The following TBC1D32 variants were observed in gnomAD, a reference collection of about 807,000 sequenced individuals.
TBC1D32 encodes protein broad-minded.
In TBC1D32, 151 loss-of-function variants were observed where a neutral mutation model predicts 170.3. The ratio of observed to expected loss-of-function variants is 0.89; its 90% CI spans 0.78 to 1.01. The LOEUF (loss-of-function observed/expected upper bound fraction) is 1.01. TBC1D32 is among the 50% of genes least tolerant of loss of function. The pLI, the probability that TBC1D32 is intolerant of heterozygous loss-of-function variation, is 0.00. For synonymous variants in TBC1D32, 498 were observed against 488.0 expected (o/e 1.02, Z -0.27); for missense variants, 1,464 against 1,457.1 (o/e 1.00, Z -0.08).
intron 24 of TBC1D32, among the ~76,000 whole-genome samples, chr6:121,158,628 G>T (rs1009571151): frequency 2.0e-5 from 3 of 152,094 alleles, no homozygotes; most frequent in Non-Finnish European, 4.4e-5. Context: ...TAACTGTGAG[G>T]TAAGTTGAGT....
chr6:121,243,817 G>A (rs1223569244), intron 17 of TBC1D32, among the ~76,000 whole-genome samples: 3 of 150,680 alleles, frequency 2.0e-5, no homozygotes, highest in African/African-American at 4.9e-5. Context: ...AAACACAGAC[G>A]CACTTCCAAT....
intron 15 of TBC1D32, among the ~76,000 whole-genome samples, chr6:121,272,284 G>T (rs548165803): frequency 1.4e-4 from 22 of 152,108 alleles, no homozygotes; most frequent in Non-Finnish European, 3.1e-4. Flanking sequence ...AGGAGCTTCT[G>T]CACAGCAAAA....
upstream of TBC1D32, chr6:121,334,560 C>T (rs972878596): frequency 1.7e-5 from 19 of 1,133,268 alleles, no homozygotes; most frequent in Middle Eastern, 6.0e-4. Context: ...CCGCGGCGAG[C>T]GCCTGTGCCT....
chr6:121,327,462 T>C (rs1322272400), intron 1 of TBC1D32, among the ~76,000 whole-genome samples: 3 of 152,238 alleles, frequency 2.0e-5, no homozygotes, highest in Admixed American at 6.5e-5. Context: ...GCATCATTTT[T>C]AGAAAATAAT....
At chr6:121,264,530 A>G (rs1404259327) in intron 15 of TBC1D32, among the ~76,000 whole-genome samples, 1 of 152,172 alleles carries the variant, frequency 6.6e-6, no homozygotes, top group African/African-American at 2.4e-5. Context: ...ATTCCTAACA[A>G]TTAAAAGGAA....
chr6:121,280,657 CAAG>C (rs1802858485), intron 14 of TBC1D32, among the ~76,000 whole-genome samples: 1 of 151,706 alleles, frequency 6.6e-6, no homozygotes, highest in African/African-American at 2.4e-5. Flanking sequence ...CATACAAACA[CAAG>C]GAGATATAAT....
intron 15 of TBC1D32, among the ~76,000 whole-genome samples, chr6:121,260,110 G>T (rs936011838): frequency 3.3e-5 from 5 of 152,058 alleles, no homozygotes; most frequent in African/African-American, 1.2e-4. Context: ...GACATTAGGG[G>T]TTCCCAAACA....
At chr6:121,212,154 C>G (rs897504582) in intron 21 of TBC1D32, among the ~76,000 whole-genome samples, 3 of 151,866 alleles carry the variant, frequency 2.0e-5, no homozygotes, top group Admixed American at 1.3e-4. Flanking sequence ...ACACATATGC[C>G]CCCCCAAGAC....
intron 8 of TBC1D32, 40 bp downstream of exon 8, chr6:121,304,325 C>A: frequency 6.3e-7 from 1 of 1,593,374 alleles, no homozygotes; most frequent in Non-Finnish European, 8.6e-7. Context: ...GCAGTAACAC[C>A]GCTAGGTTTT....
At chr6:121,277,487 C>CA (rs755504493) in intron 15 of TBC1D32, among the ~76,000 whole-genome samples, 3,505 of 26,740 alleles carry the variant, frequency 0.13, 518 homozygotes, top group African/African-American at 0.31. Flanking sequence ...GACTCCATCT[C>CA]AAAAAAAAAA....
chr6:121,250,718 T>C (rs576492222), intron 17 of TBC1D32, among the ~76,000 whole-genome samples: 1 of 152,208 alleles, frequency 6.6e-6, no homozygotes, highest in African/African-American at 2.4e-5. Flanking sequence ...CTGAACATAG[T>C]ATTGGAAGTT....
chr6:121,200,992 T>C (rs1274303931), intron 22 of TBC1D32, among the ~76,000 whole-genome samples: 2 of 151,550 alleles, frequency 1.3e-5, no homozygotes, highest in Middle Eastern at 3.4e-3. Flanking sequence ...TGTCCAGAAT[T>C]GCCAGTAACT....
intron 2 of TBC1D32, among the ~76,000 whole-genome samples, chr6:121,321,023 G>A (rs1410545116): frequency 1.3e-5 from 2 of 152,158 alleles, no homozygotes; most frequent in African/African-American, 4.8e-5. Flanking sequence ...CAACTCTGAA[G>A]TGGAATAATT....
chr6:121,169,971 A>C (rs753546940), intron 22 of TBC1D32, among the ~76,000 whole-genome samples: 1 of 152,140 alleles, frequency 6.6e-6, no homozygotes, highest in African/African-American at 2.4e-5. Flanking sequence ...AGAGGATGGA[A>C]TAAAGAGTGC....
At chr6:121,194,100 AC>A (rs142666004) in intron 22 of TBC1D32, among the ~76,000 whole-genome samples, 44 of 152,078 alleles carry the variant, frequency 2.9e-4, no homozygotes, top group Non-Finnish European at 6.3e-4. Flanking sequence ...GGAAAAAAAA[AC>A]ATCACTGTGG....
intron 22 of TBC1D32, 24 bp downstream of exon 22, chr6:121,205,051 C>A: frequency 7.5e-7 from 1 of 1,327,918 alleles, no homozygotes; most frequent in South Asian, 1.4e-5. Flanking sequence ...AATATAATAT[C>A]AAAAGTAAAA....
intron 29 of TBC1D32, among the ~76,000 whole-genome samples, chr6:121,108,610 T>A (rs1778920448): frequency 6.6e-6 from 1 of 152,128 alleles, no homozygotes; most frequent in Non-Finnish European, 1.5e-5. Context: ...CAAAACACTC[T>A]TCAGAATACT....
At position 121,255,419 on chromosome 6, in the gene TBC1D32, T is replaced by C; in HGVS notation, c.1936-9A>G. 2 of 1,426,454 alleles carry C rather than the reference T, an allele frequency of 1.4e-6. No homozygotes were observed. The highest frequency in any genetic ancestry group is 1.9e-6 in the Non-Finnish European group (2 of 1,058,628). 88.4% of individuals were successfully genotyped at this position (1,426,454 alleles called of 1,614,324 possible). On this transcript the variant is annotated splice_polypyrimidine_tract_variant and intron_variant, in intron 16 of 31. Coordinates refer to ENST00000398212, the MANE Select transcript of TBC1D32 (RefSeq NM_152730.6). The stretch of plus-strand genomic sequence containing the variant: ...TCTGATAGCAAACTTGTCTAAAAAA[T>C]AGTAGAATAATTTATATTGCTTACT...
chr6:121,157,777 G>T (rs1483036257), intron 24 of TBC1D32, among the ~76,000 whole-genome samples: 1 of 152,050 alleles, frequency 6.6e-6, no homozygotes, highest in Non-Finnish European at 1.5e-5. Context: ...AGTTTGGTGG[G>T]ATATTAAATT....
Sources: allele counts gnomAD v4.1 joint callset (sites outside exome capture counted in the v4.1 genomes callset), GRCh38; gene constraint gnomAD v4.1.1; transcripts MANE v1.5; gene names NCBI Gene and HGNC (gene_info 2026-07-23, HGNC 2026-07-21).